The following EYS variants were observed in gnomAD, a reference collection of about 807,000 sequenced individuals.
EYS encodes protein eyes shut homolog.
A neutral mutation model predicts 282.1 loss-of-function variants in EYS; 250 were observed. The observed-to-expected ratio is 0.89, with a 90% confidence interval of 0.80 to 0.98. The LOEUF (loss-of-function observed/expected upper bound fraction) is 0.98. Ranked by LOEUF, EYS falls within the 50% of genes least tolerant of loss-of-function variation. The pLI is 0.00. For synonymous variants in EYS, 1,355 were observed against 1,282.9 expected, an observed-to-expected ratio of 1.06 and a Z score of -1.20; for missense variants, 4,016 against 3,709.0, an observed-to-expected ratio of 1.08 and a Z score of -2.15.
chr6:64,511,032 T>G (rs116082205), intron 26 of EYS, among the ~76,000 whole-genome samples: 10 of 151,902 alleles, frequency 6.6e-5, no homozygotes, highest in African/African-American at 2.4e-4. Flanking sequence ...TAATTCTGAA[T>G]AGCAAAGATG....
intron 22 of EYS, among the ~76,000 whole-genome samples, chr6:64,789,104 A>G (rs990255353): frequency 2.0e-5 from 3 of 152,200 alleles, no homozygotes; most frequent in Non-Finnish European, 2.9e-5. Context: ...TCAAGCCACC[A>G]TAGTATTTGA....
At chr6:65,386,286 G>A (rs1203051567) in intron 7 of EYS, among the ~76,000 whole-genome samples, 1 of 151,768 alleles carries the variant, frequency 6.6e-6, no homozygotes, top group East Asian at 1.9e-4. Context: ...TTGACCCAAA[G>A]GCGGAGGACT....
At chr6:64,790,839 T>G (rs1435937040) in intron 22 of EYS, among the ~76,000 whole-genome samples, 1 of 151,886 alleles carries the variant, frequency 6.6e-6, no homozygotes, top group Non-Finnish European at 1.5e-5. Flanking sequence ...GAAGCATTAT[T>G]TTTTCTTATT....
intron 31 of EYS, among the ~76,000 whole-genome samples, chr6:64,117,781 A>G (rs560894570): frequency 2.0e-5 from 3 of 152,094 alleles, no homozygotes; most frequent in African/African-American, 4.8e-5. Context: ...TGCAGATAAC[A>G]TAGTCTTATA....
chr6:64,091,980 T>A (rs1204557383), intron 31 of EYS, among the ~76,000 whole-genome samples: 1 of 152,178 alleles, frequency 6.6e-6, no homozygotes, highest in Non-Finnish European at 1.5e-5. Context: ...AATTCCCACC[T>A]ATGGGTGAGA....
intron 13 of EYS, among the ~76,000 whole-genome samples, chr6:65,006,244 A>G (rs1447851401): frequency 6.6e-6 from 1 of 151,296 alleles, no homozygotes; most frequent in Non-Finnish European, 1.5e-5. Context: ...AAAGAAAGAA[A>G]AAGATATTAA....
chr6:64,161,165 C>A (rs1411430411), intron 31 of EYS, among the ~76,000 whole-genome samples: 1 of 152,112 alleles, frequency 6.6e-6, no homozygotes, highest in Non-Finnish European at 1.5e-5. Context: ...ACGGAACAAG[C>A]ATTTAAAAAA....
intron 8 of EYS, among the ~76,000 whole-genome samples, chr6:65,368,931 A>T (rs991660992): frequency 2.0e-5 from 3 of 151,456 alleles, no homozygotes; most frequent in African/African-American, 7.3e-5. Flanking sequence ...ATGGATCATG[A>T]TCGTATGGTA....
At chr6:65,562,087 T>C (rs1186322647) in intron 2 of EYS, among the ~76,000 whole-genome samples, 2 of 151,804 alleles carry the variant, frequency 1.3e-5, no homozygotes, top group Non-Finnish European at 2.9e-5. Context: ...ATACACCATA[T>C]ACACATATAG....
intron 14 of EYS, among the ~76,000 whole-genome samples, chr6:64,980,397 A>C (rs886318671): frequency 6.6e-6 from 1 of 151,488 alleles, no homozygotes; most frequent in African/African-American, 2.4e-5. Context: ...ATTTTAAATT[A>C]GTCTGTAGCC....
At chr6:65,123,682 G>T (rs1775631715) in intron 12 of EYS, among the ~76,000 whole-genome samples, 1 of 151,420 alleles carries the variant, frequency 6.6e-6, no homozygotes, top group South Asian at 2.1e-4. Flanking sequence ...AAGCAGCTTT[G>T]GTGAAAAACT....
intron 5 of EYS, among the ~76,000 whole-genome samples, chr6:65,480,135 A>G (rs1765555907): frequency 6.6e-6 from 1 of 152,172 alleles, no homozygotes; most frequent in African/African-American, 2.4e-5. Flanking sequence ...ACTGCACTCC[A>G]GCCTGGTGAC....
intron 36 of EYS, among the ~76,000 whole-genome samples, chr6:63,817,419 G>A (rs904582986): frequency 6.6e-6 from 1 of 152,136 alleles, no homozygotes; most frequent in Non-Finnish European, 1.5e-5. Flanking sequence ...CGGTAATGGG[G>A]GCTGCTCATC....
chr6:65,053,518 T>C (rs182561432), intron 13 of EYS, among the ~76,000 whole-genome samples: 2 of 151,968 alleles, frequency 1.3e-5, no homozygotes, highest in Admixed American at 1.3e-4. Context: ...TATATGTTCA[T>C]GCAAATAAGC....
chr6:65,294,737 CT>C (rs1768616109), intron 12 of EYS, among the ~76,000 whole-genome samples: 2 of 151,492 alleles, frequency 1.3e-5, no homozygotes, highest in Admixed American at 1.3e-4. Context: ...AAAATTACTG[CT>C]TAACTATATA....
intron 28 of EYS, among the ~76,000 whole-genome samples, chr6:64,398,977 T>C (rs770957952): frequency 8.6e-5 from 13 of 151,860 alleles, no homozygotes; most frequent in Non-Finnish European, 1.9e-4. Context: ...AGGGAGAATA[T>C]AGCTTCCAGG....
At chr6:64,109,835 G>A (rs1582282133) in intron 31 of EYS, among the ~76,000 whole-genome samples, 1 of 152,062 alleles carries the variant, frequency 6.6e-6, no homozygotes. Context: ...TAAGAACCAT[G>A]AGTACAAAAA....
intron 1 of EYS, among the ~76,000 whole-genome samples, chr6:65,687,346 C>A (rs995555680): frequency 2.0e-5 from 3 of 152,028 alleles, no homozygotes; most frequent in African/African-American, 7.2e-5. Flanking sequence ...AAATTTCCAG[C>A]TTTAAATATG....
At chr6:63,970,106 G>T (rs1766486378) in intron 35 of EYS, among the ~76,000 whole-genome samples, 1 of 152,192 alleles carries the variant, frequency 6.6e-6, no homozygotes, top group Non-Finnish European at 1.5e-5. Flanking sequence ...TGGAGACATG[G>T]CGAGGTGGTG....
Sources: gnomAD v4.1 joint callset for allele counts (sites outside exome capture counted in the v4.1 genomes callset) on GRCh38, gnomAD v4.1.1 for gene constraint, MANE v1.5 for transcripts, NCBI Gene and HGNC (gene_info 2026-07-23, HGNC 2026-07-21) for gene names.